The following ADAM18 variants were observed in gnomAD, a reference collection of about 807,000 sequenced individuals.
ADAM18 encodes disintegrin and metalloproteinase domain-containing protein 18.
Under a neutral mutation model 94.4 loss-of-function variants are expected in ADAM18, and 117 were observed. That is an observed-to-expected ratio of 1.24 (90% CI 1.07 to 1.45). The LOEUF (loss-of-function observed/expected upper bound fraction) is 1.45. Among genes scored for constraint, ADAM18 ranks in the 40% most tolerant of loss-of-function variants. ADAM18 has a pLI of 0.00. For missense variants in ADAM18, 936 were observed against 880.0 expected, an observed-to-expected ratio of 1.06 and a Z score of -0.81; for synonymous variants, 327 against 291.6, an observed-to-expected ratio of 1.12 and a Z score of -1.24.
chr8:39,707,751 A>C (rs1022468926), intron 18 of ADAM18, among the ~76,000 whole-genome samples: 2 of 152,160 alleles, frequency 1.3e-5, no homozygotes, highest in Non-Finnish European at 2.9e-5. Flanking sequence ...AATTATACAC[A>C]TACATTTGTA....
intron 12 of ADAM18, 30 bp downstream of exon 12, chr8:39,648,557 A>G: frequency 1.3e-6 from 2 of 1,562,614 alleles, no homozygotes; most frequent in African/African-American, 2.7e-5. Context: ...ACTCGAGCAC[A>G]ATTTTTATGT....
intron 11 of ADAM18, among the ~76,000 whole-genome samples, chr8:39,647,381 A>T (rs923059617): frequency 3.3e-5 from 5 of 152,220 alleles, no homozygotes; most frequent in African/African-American, 1.2e-4. Flanking sequence ...AAGGCAGCAT[A>T]GCTGCCAACA....
At chr8:39,587,695 C>A (rs1433064125) in intron 2 of ADAM18, among the ~76,000 whole-genome samples, 1 of 152,184 alleles carries the variant, frequency 6.6e-6, no homozygotes, top group Non-Finnish European at 1.5e-5. Context: ...ATACACCAGA[C>A]TCGGCCTCCC....
chr8:39,619,909 A>G (rs1585905912), intron 6 of ADAM18, among the ~76,000 whole-genome samples: 1 of 152,092 alleles, frequency 6.6e-6, no homozygotes, highest in East Asian at 1.9e-4. Flanking sequence ...TATATGCAAC[A>G]AGAGAACACC....
chr8:39,605,615 G>A (rs75770246), intron 2 of ADAM18: 3 of 160,286 alleles, frequency 1.9e-5, no homozygotes, highest in African/African-American at 7.2e-5. Context: ...AAATGCAAGT[G>A]TTTTTCTAAA....
At chr8:39,711,554 G>A (rs912725835) in intron 18 of ADAM18, among the ~76,000 whole-genome samples, 2 of 152,040 alleles carry the variant, frequency 1.3e-5, no homozygotes, top group African/African-American at 2.4e-5. Flanking sequence ...TATCAATAGA[G>A]ATAGAAATTA....
intron 17 of ADAM18, among the ~76,000 whole-genome samples, chr8:39,701,263 C>G (rs114832609): frequency 0.02 from 2,915 of 144,886 alleles, 95 homozygotes; most frequent in African/African-American, 0.07. Context: ...TTATTTTTCT[C>G]ATTCTTATTT....
At chr8:39,693,898 A>G (rs1821848960) in intron 17 of ADAM18, among the ~76,000 whole-genome samples, 1 of 151,304 alleles carries the variant, frequency 6.6e-6, no homozygotes, top group Non-Finnish European at 1.5e-5. Flanking sequence ...ACAGGTCTCA[A>G]TAGACAGCTT....
In ADAM18 at chr8:39,597,191, G is replaced by A. The variant is rs79887614; in HGVS notation, c.133-9116G>A. Reference sequence around the variant, plus strand: ...GATATTTTGGTCCTTTATCATATAGGCCTTTTGCAAATATTTTCTTTTAAT... The same window carrying A: ...GATATTTTGGTCCTTTATCATATAGACCTTTTGCAAATATTTTCTTTTAAT... On this transcript the variant is annotated intron_variant, in intron 2 of 19. Transcript: ENST00000265707. 4.1e-3 allele frequency among the ~76,000 whole-genome samples: 624 copies of A among 152,048 alleles called. 1 individual carries two copies. The highest frequency in any genetic ancestry group is 6.7e-3 in the Non-Finnish European group (457 of 67,934).
intron 18 of ADAM18, among the ~76,000 whole-genome samples, chr8:39,712,360 G>A (rs1822435473): frequency 6.6e-6 from 1 of 152,044 alleles, no homozygotes; most frequent in Admixed American, 6.5e-5. Context: ...AAAACTGGAA[G>A]CATTCCCTTT....
chr8:39,617,064 A>G (rs1009655915), intron 6 of ADAM18, among the ~76,000 whole-genome samples: 2 of 152,208 alleles, frequency 1.3e-5, no homozygotes, highest in African/African-American at 4.8e-5. Flanking sequence ...AGAAACAATC[A>G]ACAGAGTAAA....
intron 6 of ADAM18, among the ~76,000 whole-genome samples, chr8:39,627,028 T>A (rs1819788938): frequency 6.6e-6 from 1 of 152,148 alleles, no homozygotes; most frequent in South Asian, 2.1e-4. Context: ...TTGCTGTCTA[T>A]CTCTTTTCAT....
intron 6 of ADAM18, among the ~76,000 whole-genome samples, chr8:39,614,324 T>C (rs1276358460): frequency 6.6e-6 from 1 of 152,198 alleles, no homozygotes; most frequent in African/African-American, 2.4e-5. Context: ...TATTCAGCAT[T>C]CTTAAAGAAA....
At chr8:39,607,301 T>C (rs1414877045) in intron 3 of ADAM18, among the ~76,000 whole-genome samples, 1 of 152,208 alleles carries the variant, frequency 6.6e-6, no homozygotes, top group East Asian at 1.9e-4. Context: ...CTACTGTTTG[T>C]ATCTTGATTT....
chr8:39,650,163 G>T (rs995038246), intron 12 of ADAM18, among the ~76,000 whole-genome samples: 10 of 152,120 alleles, frequency 6.6e-5, no homozygotes, highest in Non-Finnish European at 1.3e-4. Flanking sequence ...CAGAATCTGT[G>T]ATAACACTCC....
chr8:39,608,933 A>G (rs1039227957), intron 3 of ADAM18, 109 bp from the exon 4 acceptor site: 41 of 676,072 alleles, frequency 6.1e-5, no homozygotes, highest in Non-Finnish European at 9.0e-5. Context: ...AAATCATGCC[A>G]TTATATAAAG....
Position 39,646,223 on chromosome 8 carries a change from A to G in ADAM18, c.1046+749A>G, listed in dbSNP as rs7826780. Among the ~76,000 whole-genome samples, 916 of 152,276 alleles carry G rather than the reference A, an allele frequency of 6.0e-3. 5 individuals carry two copies. The highest frequency in any genetic ancestry group is 0.021 in the African/African-American group (871 of 41,570). On this transcript the variant is annotated intron_variant, in intron 11 of 19. Transcript: ENST00000265707. ...GCTATCTGAGACGATTGTCTAACAT[A>G]GTGCTATAGTGCTGTCTAATACATG... is the stretch of plus-strand genomic sequence containing the variant.
At chr8:39,704,505 A>G (rs1167287867) in intron 17 of ADAM18, among the ~76,000 whole-genome samples, 1 of 152,134 alleles carries the variant, frequency 6.6e-6, no homozygotes, top group Non-Finnish European at 1.5e-5. Flanking sequence ...AAAATTCAAC[A>G]TATTTTTAAA....
chr8:39,641,991 T>A (rs528017060), intron 10 of ADAM18, among the ~76,000 whole-genome samples: 1 of 152,172 alleles, frequency 6.6e-6, no homozygotes, highest in Non-Finnish European at 1.5e-5. Flanking sequence ...TGATTTTGAT[T>A]TGCATTTCTC....
Sources: gnomAD v4.1 joint callset for allele counts (sites outside exome capture counted in the v4.1 genomes callset) on GRCh38, gnomAD v4.1.1 for gene constraint, MANE v1.5 for transcripts, NCBI Gene and HGNC (gene_info 2026-07-23, HGNC 2026-07-21) for gene names.